The following PTPN3 variants were observed in gnomAD, a reference collection of about 807,000 sequenced individuals.
The protein encoded by PTPN3 is protein tyrosine phosphatase non-receptor type 3, also known as tyrosine-protein phosphatase non-receptor type 3.
PTPN3 carries 96 observed loss-of-function variants against 132.7 expected under a neutral mutation model. That is an observed-to-expected ratio of 0.72 (90% CI 0.61 to 0.86). PTPN3 has a LOEUF of 0.86. Ranked by LOEUF, PTPN3 falls within the 40% of genes least tolerant of loss-of-function variation. The pLI is 0.00. For synonymous variants in PTPN3, 398 were observed against 429.0 expected, an observed-to-expected ratio of 0.93 and a Z score of 0.89; for missense variants, 1,125 against 1,159.6, an observed-to-expected ratio of 0.97 and a Z score of 0.43.
chr9:109,532,843 C>T, the PTPN3 span: 1 of 1,065,474 alleles, frequency 9.4e-7, no homozygotes. Context: ...CTCAGCCCCG[C>T]CCTGCTTAGC....
In PTPN3 at chr9:109,456,343, C is replaced by T. The variant is rs531494272; in HGVS notation, c.289+830G>A. ...GAGAGGGAACTAAAGGCAACTAACA[C>T]AGATGAGGACAAGAGCATTCAGAAC... On this transcript the variant is annotated intron_variant, in intron 4 of 25. Transcript: ENST00000374541. Among the ~76,000 whole-genome samples the T allele has an allele frequency of 2.0e-5, 3 of 152,348 alleles. No individual in the cohort carries two copies. In the South Asian group the frequency reaches 6.2e-4, roughly 32 times the overall value.
At chr9:109,466,063 C>T (rs1846087091) in intron 1 of PTPN3, among the ~76,000 whole-genome samples, 1 of 152,176 alleles carries the variant, frequency 6.6e-6, no homozygotes. Flanking sequence ...TGCTTACCCT[C>T]ATTTCACACT....
chr9:109,447,421 G>A (rs1207448004), intron 6 of PTPN3, among the ~76,000 whole-genome samples: 2 of 152,012 alleles, frequency 1.3e-5, no homozygotes, highest in African/African-American at 4.8e-5. Flanking sequence ...ACCCTAAAAT[G>A]TAAAAATGCT....
chr9:109,483,175 T>G (rs1417210814), intron 1 of PTPN3, among the ~76,000 whole-genome samples: 1 of 152,206 alleles, frequency 6.6e-6, no homozygotes, highest in Non-Finnish European at 1.5e-5. Context: ...TTCAGAGAAC[T>G]CACAGCCCAG....
At chr9:109,473,622 T>G (rs1457161908) in intron 1 of PTPN3, among the ~76,000 whole-genome samples, 2 of 152,172 alleles carry the variant, frequency 1.3e-5, no homozygotes, top group Admixed American at 6.5e-5. Context: ...TGAGCTGGGT[T>G]TTCAGTGTTG....
At chr9:109,429,148 T>A in intron 10 of PTPN3, 2 of 697,386 alleles carry the variant, frequency 2.9e-6, no homozygotes, top group Non-Finnish European at 3.5e-6. Context: ...TAACTGAACA[T>A]TTTTTAGATA....
chr9:109,450,501 C>T, intron 5 of PTPN3: 3 of 984,866 alleles, frequency 3.0e-6, no homozygotes, highest in Non-Finnish European at 3.6e-6. Context: ...GATCACCACT[C>T]ACCAAATGCT....
In PTPN3 at chr9:109,457,166, C is replaced by T; in HGVS notation, c.289+7G>A. ...ATGTTCGACTGAAATGAAAAGATCA[C>T]ACCAACCTTTTAACTGCTTCCTGAT... is the stretch of plus-strand genomic sequence containing the variant. On this transcript the variant is annotated splice_region_variant and intron_variant, in intron 4 of 25. Coordinates refer to ENST00000374541, the MANE Select transcript of PTPN3 (RefSeq NM_002829.4). The T allele has an allele frequency of 1.9e-6, 3 of 1,613,088 alleles. No individual in the cohort carries two copies. The highest frequency in any genetic ancestry group is 2.5e-6 in the Non-Finnish European group (3 of 1,179,030).
At chr9:109,465,773 G>T (rs1331148020) in intron 1 of PTPN3, among the ~76,000 whole-genome samples, 1 of 151,066 alleles carries the variant, frequency 6.6e-6, no homozygotes, top group Non-Finnish European at 1.5e-5. Flanking sequence ...CTCAGGGAAC[G>T]GTGAAGATAT....
In PTPN3 at chr9:109,422,854, T is replaced by G. The variant is rs1842978185; in HGVS notation, c.1002-2A>C. ...TTGCAATATTGGTTATTTACCGACC[T>G]GAAAAACCAGATGCAGGTTCACTTT... On this transcript the variant is annotated splice_acceptor_variant, in intron 12 of 25. Transcript: ENST00000374541. LOFTEE classifies it high-confidence loss of function. 1 of 1,612,038 alleles carries G rather than the reference T, an allele frequency of 6.2e-7. No homozygotes were observed. The highest frequency in any genetic ancestry group is 8.5e-7 in the Non-Finnish European group (1 of 1,178,830).
chr9:109,460,482 C>A (rs565536847), intron 2 of PTPN3, among the ~76,000 whole-genome samples: 3 of 152,184 alleles, frequency 2.0e-5, no homozygotes, highest in Non-Finnish European at 2.9e-5. Context: ...TCCATGCGAT[C>A]CCCCACCCCT....
At chr9:109,482,258 T>A (rs1846996205) in intron 1 of PTPN3, among the ~76,000 whole-genome samples, 1 of 152,176 alleles carries the variant, frequency 6.6e-6, no homozygotes, top group Non-Finnish European at 1.5e-5. Context: ...GAGATTTTCC[T>A]CCCAGCAACA....
the PTPN3 span, among the ~76,000 whole-genome samples, chr9:109,520,273 C>G: frequency 1.6e-4 from 24 of 152,202 alleles, no homozygotes; most frequent in South Asian, 4.8e-3. Flanking sequence ...GAACTTGACT[C>G]CAATTTCAGA....
the PTPN3 span, among the ~76,000 whole-genome samples, chr9:109,504,907 T>TA: frequency 3.3e-5 from 5 of 152,308 alleles, no homozygotes; most frequent in East Asian, 5.8e-4. Flanking sequence ...GGTGTCATCT[T>TA]ACAAAACCCA....
intron 2 of PTPN3, among the ~76,000 whole-genome samples, chr9:109,458,672 C>A (rs1172394238): frequency 6.6e-6 from 1 of 152,142 alleles, no homozygotes; most frequent in Non-Finnish European, 1.5e-5. Flanking sequence ...TGCCCCCTTT[C>A]CTGCCCAACA....
chr9:109,521,720 A>G, the PTPN3 span, among the ~76,000 whole-genome samples: 230 of 152,256 alleles, frequency 1.5e-3, 1 homozygote, highest in African/African-American at 5.3e-3. Flanking sequence ...TGTCTTTCCC[A>G]CTAGACTTGA....
At chr9:109,464,033 C>T (rs1845976924) in intron 1 of PTPN3, among the ~76,000 whole-genome samples, 1 of 152,120 alleles carries the variant, frequency 6.6e-6, no homozygotes. Flanking sequence ...AAAACAGGTA[C>T]TCAACCATAT....
chr9:109,489,467 T>C (rs905369784), intron 1 of PTPN3, among the ~76,000 whole-genome samples: 28 of 152,184 alleles, frequency 1.8e-4, no homozygotes, highest in African/African-American at 6.3e-4. Context: ...GATCTCAACC[T>C]CGAAGTCACT....
chr9:109,415,935 A>G (rs190416135), intron 14 of PTPN3, among the ~76,000 whole-genome samples: 1 of 152,260 alleles, frequency 6.6e-6, no homozygotes, highest in East Asian at 1.9e-4. Flanking sequence ...CTCAAACAAG[A>G]AGGCAAGGTT....
Sources: gnomAD v4.1 joint callset for allele counts (sites outside exome capture counted in the v4.1 genomes callset) on GRCh38, gnomAD v4.1.1 for gene constraint, MANE v1.5 for transcripts, NCBI Gene and HGNC (gene_info 2026-07-23, HGNC 2026-07-21) for gene names.